NUDT21: variants seen among roughly 807,000 people sequenced by gnomAD.
NUDT21 encodes the protein nudix hydrolase 21.
A neutral mutation model predicts 29.8 loss-of-function variants in NUDT21; 5 were observed. The ratio of observed to expected loss-of-function variants is 0.17; its 90% CI spans 0.09 to 0.35. The LOEUF (loss-of-function observed/expected upper bound fraction) is 0.35. Among genes scored for constraint, NUDT21 ranks in the 10% least tolerant of loss-of-function variants. The pLI is 1.00. For missense variants in NUDT21, 76 were observed against 276.0 expected, an observed-to-expected ratio of 0.28 and a Z score of 5.13; for synonymous variants, 113 against 98.5, an observed-to-expected ratio of 1.15 and a Z score of -0.87.
intron 3 of NUDT21, among the ~76,000 whole-genome samples, chr16:56,446,133 T>A (rs1334387172): frequency 3.9e-5 from 6 of 152,218 alleles, no homozygotes; most frequent in Non-Finnish European, 8.8e-5. Flanking sequence ...TTACAATGAT[T>A]TTTAAAAAGT....
rs1472597888 is a variant in NUDT21, at chr16:56,429,486, G to C, written c.*3226C>G. On this transcript the variant is annotated 3_prime_UTR_variant, in exon 7 of 7. Coordinates refer to ENST00000300291, the MANE Select transcript of NUDT21 (RefSeq NM_007006.3). The stretch of plus-strand genomic sequence containing the variant: ...CTAATCTAGAGTTACCTAGGTTTTA[G>C]TAAGTTTTTTTCCACAAAAACAAGC... 6.6e-6 allele frequency: 1 copy of C among 152,132 alleles called. No homozygotes were observed. Among genetic ancestry groups the C allele is most frequent in the Non-Finnish European group, 1.5e-5 (1 of 68,018 alleles). The allele number at this position is 152,132 out of a possible 1,614,324, so 9.4% of individuals were successfully genotyped here.
rs1167467687 is a variant in NUDT21, at chr16:56,451,259, C to T, written c.-57G>A. ...AAAGTGGCAGGCAGGGTAGACTTTC[C>T]CCGTGCGGGAAGCGGTTATCTGCAA... On this transcript the variant is annotated 5_prime_UTR_variant, in exon 1 of 7. Transcript: ENST00000300291. The T allele has an allele frequency of 2.2e-6, 3 of 1,346,328 alleles. No homozygotes were observed. In the African/African-American group the frequency reaches 4.3e-5, roughly 20 times the overall value. 83.4% of individuals were successfully genotyped at this position (1,346,328 alleles called of 1,614,324 possible). A position where few individuals can be genotyped will look rare whatever the true frequency, so the allele number is the denominator to read the frequency against.
At chr16:56,446,553 C>T (rs1235141422) in intron 3 of NUDT21, 73 bp downstream of exon 3, 4 of 784,034 alleles carry the variant, frequency 5.1e-6, no homozygotes, top group Non-Finnish European at 8.5e-6. Flanking sequence ...AAATAAGCAT[C>T]CTTTTTACAA....
At position 56,451,097 on chromosome 16, in the gene NUDT21, T is replaced by A; in HGVS notation, c.106A>T (p.Thr36Ser). ...QQTKPLTLERTINLYPLTNYT... is the reference protein window; with the variant it reads ...QQTKPLTLERSINLYPLTNYT... ...CCGCGCCGCACTTACAGGTTGATGG[T>A]GCGCTCCAGGGTGAGGGGCTTCGTC... is the stretch of plus-strand genomic sequence containing the variant. Residue 36 changes from threonine (T) to serine (S), a missense_variant, in exon 1 of 7, where the codon ACC becomes TCC. Thr to Ser is a moderately conservative substitution (Grantham distance 58). Transcript: ENST00000300291. 6.2e-7 allele frequency: 1 copy of A among 1,613,514 alleles called. No individual in the cohort carries two copies. Among genetic ancestry groups the A allele is most frequent in the Non-Finnish European group, 8.5e-7 (1 of 1,179,668 alleles).
At chr16:56,443,213 G>C (rs1962179867) in intron 3 of NUDT21, among the ~76,000 whole-genome samples, 1 of 149,670 alleles carries the variant, frequency 6.7e-6, no homozygotes. Flanking sequence ...GTCTTGCTCT[G>C]TTGCCCAGGC....
At chr16:56,435,117 C>CT (rs756131691) in intron 4 of NUDT21, 15 of 214,452 alleles carry the variant, frequency 7.0e-5, no homozygotes, top group East Asian at 4.0e-4. Context: ...TTAATAAAAG[C>CT]TTTTTTTTGT....
chr16:56,446,933 T>TC (rs1210424611), intron 2 of NUDT21: 1 of 352,830 alleles, frequency 2.8e-6, no homozygotes, highest in African/African-American at 2.1e-5. Context: ...TATTGTAGAT[T>TC]CAACGGGTAC....
intron 1 of NUDT21, among the ~76,000 whole-genome samples, chr16:56,448,974 T>C (rs1355262666): frequency 2.0e-5 from 3 of 152,202 alleles, no homozygotes; most frequent in Non-Finnish European, 4.4e-5. Context: ...AGCCAAGTTC[T>C]AGGCATATGA....
chr16:56,440,502 T>C (rs1237299643), intron 3 of NUDT21, among the ~76,000 whole-genome samples: 1 of 152,214 alleles, frequency 6.6e-6, no homozygotes, highest in Non-Finnish European at 1.5e-5. Context: ...TTGTGACAGC[T>C]TTTCATACCT....
chr16:56,441,386 G>A (rs1596955922), intron 3 of NUDT21, among the ~76,000 whole-genome samples: 1 of 151,992 alleles, frequency 6.6e-6, no homozygotes, highest in East Asian at 1.9e-4. Flanking sequence ...ACAGGTGCCC[G>A]CCACCACACC....
chr16:56,429,623 C>A lies in NUDT21; in HGVS notation c.*3089G>T, dbSNP rs1317128304. 7 of 152,148 alleles carry A rather than the reference C, an allele frequency of 4.6e-5. No homozygotes were observed. The highest frequency in any genetic ancestry group is 8.8e-5 in the Non-Finnish European group (6 of 68,036). The allele number at this position is 152,148 out of a possible 1,614,324, so 9.4% of individuals were successfully genotyped here. On this transcript the variant is annotated 3_prime_UTR_variant, in exon 7 of 7. Transcript: ENST00000300291. ...CAAAAGCAAACTGCTTGAAATGAGT[C>A]CAGTTTAACCCAAATAATCAGTGAT...
At chr16:56,435,492 C>G (rs1480917446) in intron 4 of NUDT21, among the ~76,000 whole-genome samples, 1 of 150,896 alleles carries the variant, frequency 6.6e-6, no homozygotes, top group Non-Finnish European at 1.5e-5. Context: ...TTTGGGAGGC[C>G]AAGGCAGGCG....
At chr16:56,432,862 G>A (rs1596952827) in intron 6 of NUDT21, 129 bp from the exon 7 acceptor site, 9 of 606,728 alleles carry the variant, frequency 1.5e-5, no homozygotes, top group Admixed American at 3.4e-5. Context: ...TTTCCCCTTC[G>A]AATGCCTTTT....
chr16:56,439,517 G>A (rs1056390507), intron 4 of NUDT21, 140 bp downstream of exon 4: 1 of 706,392 alleles, frequency 1.4e-6, no homozygotes, highest in Non-Finnish European at 2.5e-6. Context: ...AGAAGTGCTT[G>A]GCTTAATTTT....
Position 56,430,942 on chromosome 16 carries a change from G to A in NUDT21, c.*1770C>T, listed in dbSNP as rs1305988480. 6.6e-6 allele frequency: 1 copy of A among 152,242 alleles called. No individual in the cohort carries two copies. Among genetic ancestry groups the A allele is most frequent in the African/African-American group, 2.4e-5 (1 of 41,458 alleles). 9.4% of individuals were successfully genotyped at this position (152,242 alleles called of 1,614,324 possible). On this transcript the variant is annotated 3_prime_UTR_variant, in exon 7 of 7. Coordinates refer to ENST00000300291, the MANE Select transcript of NUDT21 (RefSeq NM_007006.3). ...TCAAAGTTTAAGTTACAAAGAACAT[G>A]AGTGGCCTCGAATCAGATGACTCTT...
At position 56,434,323 on chromosome 16, in the gene NUDT21, T is replaced by G; in HGVS notation, c.662+8A>C. On this transcript the variant is annotated splice_region_variant and intron_variant, in intron 6 of 6. Transcript: ENST00000300291. The stretch of plus-strand genomic sequence containing the variant: ...TGGATGAACCAAAAAATGTTCAACT[T>G]TCTGTACCTGCTCAACAGCTGAGGG... The G allele has an allele frequency of 6.3e-7, 1 of 1,576,176 alleles. No individual in the cohort carries two copies. The highest frequency in any genetic ancestry group is 1.1e-5 in the South Asian group (1 of 90,112).
intron 3 of NUDT21, among the ~76,000 whole-genome samples, chr16:56,442,350 T>G (rs971647066): frequency 1.9e-4 from 29 of 152,238 alleles, no homozygotes; most frequent in African/African-American, 6.5e-4. Context: ...TGTCTAGAAG[T>G]AACTTTTACC....
intron 4 of NUDT21, among the ~76,000 whole-genome samples, chr16:56,435,755 A>ATATATATATATC (rs1962094724): frequency 1.4e-5 from 1 of 72,672 alleles, no homozygotes; most frequent in Non-Finnish European, 2.8e-5. Context: ...ATATATATAT[A>ATATATATATATC]TATATATATA....
At position 56,437,630 on chromosome 16, in the gene NUDT21, G is replaced by A. The variant is rs117336532; in HGVS notation, c.471+2027C>T. The stretch of plus-strand genomic sequence containing the variant: ...AACCCTTATCCAATGGGGTATAGGA[G>A]TCCCTACATGGTTCCTGGTCCTTAA... On this transcript the variant is annotated intron_variant, in intron 4 of 6. Coordinates refer to ENST00000300291, the MANE Select transcript of NUDT21 (RefSeq NM_007006.3). Among the ~76,000 whole-genome samples, 484 of 152,298 alleles carry A rather than the reference G, an allele frequency of 3.2e-3. 13 individuals carry two copies. The South Asian group carries it at 0.056, about 18-fold the overall frequency.
Sources: allele counts gnomAD v4.1 joint callset (sites outside exome capture counted in the v4.1 genomes callset), GRCh38; gene constraint gnomAD v4.1.1; transcripts MANE v1.5; gene names NCBI Gene and HGNC (gene_info 2026-07-23, HGNC 2026-07-21).